Variants in TENM3 observed in about 807,000 individuals in gnomAD.
TENM3 encodes the protein teneurin-3.
A neutral mutation model predicts 255.1 loss-of-function variants in TENM3; 63 were observed. That is an observed-to-expected ratio of 0.25 (90% confidence interval 0.20 to 0.30). The LOEUF is 0.30. Among genes scored for constraint, TENM3 ranks in the 10% least tolerant of loss-of-function variants. The pLI is 1.00. For synonymous variants in TENM3, 1,306 were observed against 1,322.3 expected, an observed-to-expected ratio of 0.99 and a Z score of 0.27; for missense variants, 2,929 against 3,461.1, an observed-to-expected ratio of 0.85 and a Z score of 3.86.
the TENM3 span, among the ~76,000 whole-genome samples, chr4:181,830,601 T>C: frequency 1.9e-4 from 29 of 152,226 alleles, no homozygotes; most frequent in African/African-American, 7.0e-4. Flanking sequence ...TCGGTCTCTC[T>C]AGCCTCAGTT....
chr4:182,257,580 T>G lies in TENM3; in HGVS notation c.-76+14104T>G, dbSNP rs544167653. ...GACTTGGTATATTATGTATCAACAC[T>G]GCCCAAGGATGCATTTCTGTGGCTT... On this transcript the variant is annotated intron_variant, in intron 1 of 27. Coordinates refer to ENST00000511685, the MANE Select transcript of TENM3 (RefSeq NM_001080477.4). Among the ~76,000 whole-genome samples, 25 of 152,314 alleles carry G rather than the reference T, an allele frequency of 1.6e-4. No homozygotes were observed. The South Asian group carries it at 4.3e-3, about 26-fold the overall frequency.
chr4:181,572,441 C>T, the TENM3 span, among the ~76,000 whole-genome samples: 1 of 152,078 alleles, frequency 6.6e-6, no homozygotes, highest in Non-Finnish European at 1.5e-5. Context: ...AAAATAGTGT[C>T]AAATGTTTAA....
chr4:182,794,035 G>T lies in TENM3; in HGVS notation c.7213+150G>T, dbSNP rs1766308966. 2.8e-6 allele frequency: 2 copies of T among 713,456 alleles called. 1 individual carries two copies. Among genetic ancestry groups the T allele is most frequent in the South Asian group, 4.4e-5 (2 of 45,290 alleles). The allele number at this position is 713,456 out of a possible 1,614,324, so 44.2% of individuals were successfully genotyped here. A position where few individuals can be genotyped will look rare whatever the true frequency, so the allele number is the denominator to read the frequency against. On this transcript the variant is annotated intron_variant, in intron 26 of 27. Coordinates refer to ENST00000511685, the MANE Select transcript of TENM3 (RefSeq NM_001080477.4). The stretch of plus-strand genomic sequence containing the variant: ...TTTTAAATGTGTTTATTTCTTTATG[G>T]AACCATAGAGAAATCACAAAGGGAA...
chr4:181,769,054 T>C, the TENM3 span, among the ~76,000 whole-genome samples: 3 of 152,220 alleles, frequency 2.0e-5, no homozygotes, highest in South Asian at 6.2e-4. Flanking sequence ...CTGAGCTTTT[T>C]GATATGTGAA....
At chr4:182,344,787 TAG>T (rs958289120) in intron 2 of TENM3, among the ~76,000 whole-genome samples, 13 of 152,204 alleles carry the variant, frequency 8.5e-5, no homozygotes, top group African/African-American at 3.1e-4. Flanking sequence ...CTACACGTTT[TAG>T]AGTCCTCCCG....
At chr4:182,026,818 A>T in the TENM3 span, among the ~76,000 whole-genome samples, 20 of 152,024 alleles carry the variant, frequency 1.3e-4, no homozygotes. Context: ...CATTTGATCA[A>T]TGTGTCTGTT....
intron 3 of TENM3, among the ~76,000 whole-genome samples, chr4:182,375,533 G>T (rs749623636): frequency 9.2e-5 from 14 of 151,956 alleles, no homozygotes; most frequent in Non-Finnish European, 1.9e-4. Flanking sequence ...TGTTGTGGAT[G>T]GTTTTTATTT....
chr4:181,447,768 G>A, the TENM3 span, among the ~76,000 whole-genome samples: 1 of 152,158 alleles, frequency 6.6e-6, no homozygotes, highest in East Asian at 1.9e-4. Context: ...GAAGTCTGGG[G>A]AGCGGTGAGT....
At chr4:181,770,554 A>C in the TENM3 span, among the ~76,000 whole-genome samples, 1 of 150,506 alleles carries the variant, frequency 6.6e-6, no homozygotes, top group Non-Finnish European at 1.5e-5. Context: ...GGGTGCCTGT[A>C]GTCCCAGCTA....
At position 182,158,155 on chromosome 4, in the gene TENM3, G is replaced by T. The variant is rs1358302524; in HGVS notation, c.-76+13401G>T. On this transcript the variant is annotated intron_variant, in intron 1 of 2. Transcript: ENST00000512480. ...TCTCCAAAAGGAGGTGCCACGTCGCGCCTCTAGACTAGTCATTGCCATGTG... is the reference window on the plus strand; with the variant it reads ...TCTCCAAAAGGAGGTGCCACGTCGCTCCTCTAGACTAGTCATTGCCATGTG... Among the ~76,000 whole-genome samples the T allele has an allele frequency of 3.3e-5, 5 of 152,282 alleles. No individual in the cohort carries two copies. In the South Asian group the frequency reaches 6.2e-4, roughly 19 times the overall value.
intron 1 of TENM3, among the ~76,000 whole-genome samples, chr4:182,289,594 G>A (rs887837360): frequency 8.6e-5 from 13 of 151,696 alleles, no homozygotes; most frequent in Non-Finnish European, 1.3e-4. Flanking sequence ...TAAAGTTTGA[G>A]CTTAGGAAAT....
chr4:181,857,597 A>C, the TENM3 span, among the ~76,000 whole-genome samples: 1 of 105,446 alleles, frequency 9.5e-6, no homozygotes, highest in Admixed American at 8.1e-5. Context: ...AAAAAAAAAA[A>C]AAACAAACAC....
chr4:181,795,884 T>C, the TENM3 span, among the ~76,000 whole-genome samples: 1 of 152,114 alleles, frequency 6.6e-6, no homozygotes, highest in Non-Finnish European at 1.5e-5. Flanking sequence ...TTTAGATAGA[T>C]GTCTCTGGTA....
chr4:181,718,299 T>C, the TENM3 span, among the ~76,000 whole-genome samples: 1 of 152,216 alleles, frequency 6.6e-6, no homozygotes, highest in Admixed American at 6.5e-5. Flanking sequence ...AGCTGACTGC[T>C]TTTGGATCAT....
At chr4:182,520,935 A>G (rs1738500348) in intron 3 of TENM3, among the ~76,000 whole-genome samples, 1 of 152,074 alleles carries the variant, frequency 6.6e-6, no homozygotes, top group South Asian at 2.1e-4. Context: ...TTTTGCTCTT[A>G]GCTTTCTTGG....
At chr4:181,787,931 G>A in the TENM3 span, among the ~76,000 whole-genome samples, 1 of 152,202 alleles carries the variant, frequency 6.6e-6, no homozygotes, top group African/African-American at 2.4e-5. Flanking sequence ...GGAGGTCAAG[G>A]CTGCAGTAAG....
At chr4:182,621,551 G>C (rs954911261) in intron 4 of TENM3, among the ~76,000 whole-genome samples, 1 of 138,026 alleles carries the variant, frequency 7.2e-6, no homozygotes, top group Admixed American at 7.6e-5. Flanking sequence ...CTGCTTAAGG[G>C]TAGGAGATTG....
the TENM3 span, among the ~76,000 whole-genome samples, chr4:181,694,205 C>T: frequency 6.6e-6 from 1 of 152,104 alleles, no homozygotes; most frequent in Non-Finnish European, 1.5e-5. Context: ...GGTTTCTGAC[C>T]TATGCACACA....
chr4:182,562,336 G>C (rs1160962261), intron 3 of TENM3, among the ~76,000 whole-genome samples: 1 of 152,112 alleles, frequency 6.6e-6, no homozygotes, highest in Non-Finnish European at 1.5e-5. Context: ...GGGATGGTGA[G>C]TGCCATATGC....
Sources: gnomAD v4.1 joint callset for allele counts (sites outside exome capture counted in the v4.1 genomes callset) on GRCh38, gnomAD v4.1.1 for gene constraint, MANE v1.5 for transcripts, NCBI Gene and HGNC (gene_info 2026-07-23, HGNC 2026-07-21) for gene names.